The following PCDHGB3 variants were observed in gnomAD, a reference collection of about 807,000 sequenced individuals.
PCDHGB3 encodes protocadherin gamma-B3.
Under a neutral mutation model 59.2 loss-of-function variants are expected in PCDHGB3, and 40 were observed. The ratio of observed to expected loss-of-function variants is 0.68; its 90% CI spans 0.52 to 0.88. The LOEUF (loss-of-function observed/expected upper bound fraction) is 0.88, where lower values mean the gene tolerates loss of function less well. Ranked by LOEUF, PCDHGB3 falls within the 40% of genes least tolerant of loss-of-function variation. The probability of loss-of-function intolerance (pLI) is 0.00; values close to 1 mark genes in which losing one functional copy is unlikely to be tolerated. For synonymous variants in PCDHGB3, 581 were observed against 503.6 expected (o/e 1.15, Z -2.06); for missense variants, 1,309 against 1,187.9 (o/e 1.10, Z -1.50).
At chr5:141,383,356 C>A (rs1046340065) in intron 1 of PCDHGB3, 1 of 1,613,884 alleles carries the variant, frequency 6.2e-7, no homozygotes, top group Non-Finnish European at 8.5e-7. Context: ...GGTTCGGTTT[C>A]CGTTAAGCGA....
At chr5:141,453,321 T>TG (rs2098762672) in intron 1 of PCDHGB3, among the ~76,000 whole-genome samples, 2 of 151,876 alleles carry the variant, frequency 1.3e-5, no homozygotes, top group Admixed American at 6.6e-5. Context: ...ATTTTAGAGA[T>TG]GGGGTCTCAC....
At position 141,473,122 on chromosome 5, in the gene PCDHGB3, T is replaced by C. The variant is rs533113606; in HGVS notation, c.2416-21685T>C. On this transcript the variant is annotated intron_variant, in intron 1 of 3. Coordinates refer to ENST00000576222, the MANE Select transcript of PCDHGB3 (RefSeq NM_018924.5). ...TATTACCACACTTTACTTGGCTCTT[T>C]GGCAAACTATATTATCTCTTCAGAT... Among the ~76,000 whole-genome samples, 3 of 152,362 alleles carry C rather than the reference T, an allele frequency of 2.0e-5. No homozygotes were observed. In the East Asian group the frequency reaches 5.8e-4, roughly 29 times the overall value.
chr5:141,380,499 A>G (rs1185808520), intron 1 of PCDHGB3, among the ~76,000 whole-genome samples: 4 of 152,330 alleles, frequency 2.6e-5, no homozygotes, highest in East Asian at 1.9e-4. Flanking sequence ...GTCAACAATA[A>G]TATACACTCT....
intron 1 of PCDHGB3, among the ~76,000 whole-genome samples, chr5:141,472,405 G>A (rs1207849470): frequency 6.6e-6 from 1 of 152,086 alleles, no homozygotes; most frequent in Non-Finnish European, 1.5e-5. Flanking sequence ...GCCAGGCGTG[G>A]TGGCACGCAC....
At chr5:141,417,753 C>T (rs889153718) in intron 1 of PCDHGB3, 3 of 1,431,672 alleles carry the variant, frequency 2.1e-6, no homozygotes, top group African/African-American at 2.9e-5. Flanking sequence ...ATTGCCAGCT[C>T]CGAGACCCGG....
intron 1 of PCDHGB3, among the ~76,000 whole-genome samples, chr5:141,437,716 C>T (rs575174227): frequency 1.2e-4 from 18 of 151,782 alleles, no homozygotes; most frequent in Admixed American, 1.0e-3. Flanking sequence ...CACAGTTACC[C>T]TCTAATGTTA....
At chr5:141,494,183 G>A (rs971032835) in intron 1 of PCDHGB3, among the ~76,000 whole-genome samples, 2 of 152,146 alleles carry the variant, frequency 1.3e-5, no homozygotes, top group Non-Finnish European at 2.9e-5. Context: ...GAAGTGTCCC[G>A]GGACTTGGAT....
intron 1 of PCDHGB3, chr5:141,393,690 C>A (rs779487285): frequency 6.2e-7 from 1 of 1,613,752 alleles, no homozygotes; most frequent in African/African-American, 1.3e-5. Flanking sequence ...TCCGTTATTC[C>A]AGCTTAATGA....
Position 141,431,858 on chromosome 5 carries a change from G to A in PCDHGB3, c.2415+59049G>A, listed in dbSNP as rs1421209596. The A allele has an allele frequency of 1.1e-5, 17 of 1,614,198 alleles. No individual in the cohort carries two copies. Among genetic ancestry groups the A allele is most frequent in the Non-Finnish European group, 1.4e-5 (17 of 1,180,020 alleles). On this transcript the variant is annotated intron_variant, in intron 1 of 3. Coordinates refer to ENST00000576222, the MANE Select transcript of PCDHGB3 (RefSeq NM_018924.5). The surrounding 1 kb of genome is among the most constrained non-coding windows in gnomAD (Gnocchi z 4.8). ...AAACTCTCCCAGAGGGACATTAATTGCCCTTTTAAATGTAAATGACCAAGA... is the reference window on the plus strand; with the variant it reads ...AAACTCTCCCAGAGGGACATTAATTACCCTTTTAAATGTAAATGACCAAGA...
chr5:141,447,851 C>T (rs961725006), intron 1 of PCDHGB3, among the ~76,000 whole-genome samples: 1 of 151,980 alleles, frequency 6.6e-6, no homozygotes, highest in East Asian at 1.9e-4. Flanking sequence ...TTTGGGAGGC[C>T]GAGGTGGGTG....
chr5:141,415,764 T>G lies in PCDHGB3; in HGVS notation c.2415+42955T>G, dbSNP rs1158166352. The G allele has an allele frequency of 5.0e-6, 7 of 1,391,674 alleles. No homozygotes were observed. The African/African-American group carries it at 7.5e-5, about 15-fold the overall frequency. 86.2% of individuals were successfully genotyped at this position (1,391,674 alleles called of 1,614,324 possible). Reference sequence around the variant, plus strand: ...GGTTTTTTTTTTTTTTTTTTTTTTTTTTTTTTTTACTTTCTGGTAAAATTC... The same window carrying G: ...GGTTTTTTTTTTTTTTTTTTTTTTTGTTTTTTTTACTTTCTGGTAAAATTC... On this transcript the variant is annotated intron_variant, in intron 1 of 3. Coordinates refer to ENST00000576222, the MANE Select transcript of PCDHGB3 (RefSeq NM_018924.5).
intron 1 of PCDHGB3, chr5:141,382,716 C>A (rs11575956): frequency 2.0e-6 from 1 of 488,008 alleles, no homozygotes; most frequent in Non-Finnish European, 3.5e-6. Context: ...CAGAAACCAC[C>A]GAGTTTTACA....
intron 3 of PCDHGB3, among the ~76,000 whole-genome samples, chr5:141,507,861 C>T (rs538942097): frequency 7.0e-4 from 106 of 152,306 alleles, no homozygotes; most frequent in African/African-American, 2.5e-3. Flanking sequence ...CTTTCACACC[C>T]GCTTCCTAGC....
chr5:141,445,311 G>A (rs2098463310), intron 1 of PCDHGB3, among the ~76,000 whole-genome samples: 1 of 152,150 alleles, frequency 6.6e-6, no homozygotes, highest in East Asian at 1.9e-4. Flanking sequence ...CAGTTTGTAG[G>A]TTGAGAGAAC....
chr5:141,421,433 C>A lies in PCDHGB3; in HGVS notation c.2415+48624C>A, dbSNP rs772564300. 5 of 1,614,074 alleles carry A rather than the reference C, an allele frequency of 3.1e-6. No homozygotes were observed. In the African/African-American group the frequency reaches 4.0e-5, roughly 13 times the overall value. On this transcript the variant is annotated intron_variant, in intron 1 of 3. Coordinates refer to ENST00000576222, the MANE Select transcript of PCDHGB3 (RefSeq NM_018924.5). ...GCGAAGCGCGGAGTCCGCATCGTCTCCAGAGGGAAGACACAGCTTTTCGCT... is the reference window on the plus strand; with the variant it reads ...GCGAAGCGCGGAGTCCGCATCGTCTACAGAGGGAAGACACAGCTTTTCGCT...
chr5:141,425,934 G>A lies in PCDHGB3; in HGVS notation c.2415+53125G>A, dbSNP rs1237431530. Among the ~76,000 whole-genome samples, 4 of 152,352 alleles carry A rather than the reference G, an allele frequency of 2.6e-5. 1 individual carries two copies. Among genetic ancestry groups the A allele is most frequent in the East Asian group, 1.9e-4 (1 of 5,188 alleles). On this transcript the variant is annotated intron_variant, in intron 1 of 3. Coordinates refer to ENST00000576222, the MANE Select transcript of PCDHGB3 (RefSeq NM_018924.5). ...CAGTCACTACGAAAACTCATAAAAT[G>A]TCTAGTTTCCTATACATTAGTCCAA...
In PCDHGB3 at chr5:141,376,747, C is replaced by A. The variant is rs532627412; in HGVS notation, c.2415+3938C>A. 2,536 of 471,218 alleles carry A rather than the reference C, an allele frequency of 5.4e-3. 48 individuals carry two copies. The highest frequency in any genetic ancestry group is 0.052 in the African/African-American group (2,354 of 45,460). The allele number at this position is 471,218 out of a possible 1,614,324, so 29.2% of individuals were successfully genotyped here. ...CAGGCCGGACTGCGGACTGCAGTGG[C>A]GCAATCTCGGCTCACTGCAAGCTCC... On this transcript the variant is annotated intron_variant, in intron 1 of 3. Transcript: ENST00000576222.
chr5:141,372,197 C>A lies in PCDHGB3; in HGVS notation c.1803C>A (p.Asn601Lys). The change falls in exon 1 of 4, where the codon AAC becomes AAA. Residue 601 changes from asparagine to lysine, a missense_variant. By Grantham distance (94) the Asn-to-Lys change is moderately conservative. Coordinates refer to ENST00000576222, the MANE Select transcript of PCDHGB3 (RefSeq NM_018924.5). Reference protein sequence around the residue: ...VVAVDADSGYNAWLSYHIVQA... With the variant: ...VVAVDADSGYKAWLSYHIVQA... ...CGGTGGACGCAGACTCGGGATACAA[C>A]GCCTGGCTGTCCTACCACATTGTGC... The A allele has an allele frequency of 6.2e-7, 1 of 1,613,590 alleles. No individual in the cohort carries two copies. Among genetic ancestry groups the A allele is most frequent in the Non-Finnish European group, 8.5e-7 (1 of 1,179,910 alleles).
intron 1 of PCDHGB3, among the ~76,000 whole-genome samples, chr5:141,447,244 A>T (rs1475037979): frequency 6.6e-6 from 1 of 152,062 alleles, no homozygotes; most frequent in Non-Finnish European, 1.5e-5. Flanking sequence ...GGTTCAAGTG[A>T]TTCTTCTGTC....
Sources: allele counts gnomAD v4.1 joint callset (sites outside exome capture counted in the v4.1 genomes callset), GRCh38; gene constraint gnomAD v4.1.1; non-coding constraint Gnocchi (gnomAD v3.1); transcripts MANE v1.5; gene names NCBI Gene and HGNC (gene_info 2026-07-23, HGNC 2026-07-21).